MECOM: variants seen among roughly 807,000 people sequenced by gnomAD.
MECOM encodes the protein MDS1 and EVI1 complex locus, also known as histone-lysine N-methyltransferase MECOM.
In MECOM, 13 loss-of-function variants were observed where a neutral mutation model predicts 116.3. The ratio of observed to expected loss-of-function variants is 0.11; its 90% CI spans 0.07 to 0.18. The LOEUF is 0.18. Among genes scored for constraint, MECOM ranks in the 10% least tolerant of loss-of-function variants. The probability of loss-of-function intolerance (pLI) is 1.00; values close to 1 mark genes in which losing one functional copy is unlikely to be tolerated. For synonymous variants in MECOM, 528 were observed against 535.2 expected (o/e 0.99, Z 0.19); for missense variants, 1,299 against 1,509.0 (o/e 0.86, Z 2.31).
chr3:169,384,166 A>T (rs949478208), intron 1 of MECOM, among the ~76,000 whole-genome samples: 8 of 152,226 alleles, frequency 5.3e-5, no homozygotes, highest in African/African-American at 1.9e-4. Flanking sequence ...ATCTGCATAT[A>T]GGTGTTTAAC....
At chr3:169,568,176 G>A (rs953926226) in intron 1 of MECOM, among the ~76,000 whole-genome samples, 2 of 152,168 alleles carry the variant, frequency 1.3e-5, no homozygotes, top group Admixed American at 6.5e-5. Flanking sequence ...ATGAGGGACA[G>A]TGTACTCTGG....
intron 5 of MECOM, among the ~76,000 whole-genome samples, chr3:169,123,138 AAGTG>A: frequency 6.6e-6 from 1 of 151,394 alleles, no homozygotes; most frequent in African/African-American, 2.4e-5. Context: ...GTAGTCAATT[AAGTG>A]AGTATTAAGC....
chr3:169,489,063 C>A (rs755182982), intron 1 of MECOM, among the ~76,000 whole-genome samples: 25 of 151,964 alleles, frequency 1.6e-4, no homozygotes, highest in Non-Finnish European at 2.8e-4. Context: ...TACAGATACA[C>A]AAGAGATTTT....
chr3:169,482,948 G>C (rs1383484142), intron 1 of MECOM, among the ~76,000 whole-genome samples: 1 of 152,278 alleles, frequency 6.6e-6, no homozygotes, highest in East Asian at 1.9e-4. Flanking sequence ...TTGTTTCAAG[G>C]AGTATCAAGA....
At chr3:169,149,931 C>CACTG (rs1740895243) in intron 2 of MECOM, among the ~76,000 whole-genome samples, 5 of 124,272 alleles carry the variant, frequency 4.0e-5, no homozygotes, top group African/African-American at 1.2e-4. Context: ...CTCTTTCTCT[C>CACTG]TCTCTGTGTG....
rs1716944583 is a variant in MECOM at position 169,084,093 on chromosome 3, A to G, written c.*816T>C. 4.3e-6 allele frequency: 1 copy of G among 231,714 alleles called. No homozygotes were observed. Among genetic ancestry groups the G allele is most frequent in the South Asian group, 1.8e-4 (1 of 5,522 alleles). The allele number at this position is 231,714 out of a possible 1,614,324, so 14.4% of individuals were successfully genotyped here. ...TGGAACAGTGCTATTTTAATCAACA[A>G]ACAATAGTTTGCCAACAAATAAATA... On this transcript the variant is annotated 3_prime_UTR_variant, in exon 17 of 17. Coordinates refer to ENST00000651503, the MANE Select transcript of MECOM (RefSeq NM_004991.4).
intron 1 of MECOM, among the ~76,000 whole-genome samples, chr3:169,568,898 T>C (rs186984248): frequency 6.6e-6 from 1 of 152,252 alleles, no homozygotes; most frequent in Non-Finnish European, 1.5e-5. Flanking sequence ...TACCAAATTG[T>C]AAAGACCATT....
At position 169,259,622 on chromosome 3, in the gene MECOM, G is replaced by A. The variant is rs146920656; in HGVS notation, c.376-115790C>T. On this transcript the variant is annotated intron_variant, in intron 2 of 16. Transcript: ENST00000651503. ...CACACACCTGTAGTTCCAGCCACTCGGGAGGCTGAGGCAGGTGGATCACAG... is the reference window on the plus strand; with the variant it reads ...CACACACCTGTAGTTCCAGCCACTCAGGAGGCTGAGGCAGGTGGATCACAG... Among the ~76,000 whole-genome samples, 240 of 152,248 alleles carry A rather than the reference G, an allele frequency of 1.6e-3. 3 individuals carry two copies. Among genetic ancestry groups the A allele is most frequent in the African/African-American group, 5.2e-3 (214 of 41,550 alleles).
rs577838944 is a variant in MECOM at position 169,143,713 on chromosome 3, G to A, written c.495C>T (p.Cys165=). 3.6e-5 allele frequency: 58 copies of A among 1,599,800 alleles called. No individual in the cohort carries two copies. The highest frequency in any genetic ancestry group is 1.8e-4 in the African/African-American group (13 of 74,210). ...TACAACATACCTGATCATTTATCTG[G>A]CATGCAACAAGGTTGTGCTGATCAT... is the stretch of plus-strand genomic sequence containing the variant. ...GCYDQHNLVA[C]QINDQIFYRV... is the part of the protein sequence containing the mutation. The change falls in exon 3 of 17, where the codon TGC becomes TGT. Residue 165 remains cysteine, a synonymous_variant. Transcript: ENST00000651503.
chr3:169,176,155 A>AC (rs1559954484), intron 2 of MECOM, among the ~76,000 whole-genome samples: 2 of 149,548 alleles, frequency 1.3e-5, no homozygotes, highest in African/African-American at 2.4e-5. Context: ...AAAAAAAAAA[A>AC]CCCCTCATAT....
intron 1 of MECOM, among the ~76,000 whole-genome samples, chr3:169,461,517 G>T (rs1488080566): frequency 6.6e-6 from 1 of 152,016 alleles, no homozygotes; most frequent in Admixed American, 6.6e-5. Flanking sequence ...CAGAGATTTG[G>T]TGAAGGTCAT....
chr3:169,267,542 G>A (rs1262236035), intron 2 of MECOM, among the ~76,000 whole-genome samples: 1 of 152,114 alleles, frequency 6.6e-6, no homozygotes, highest in Non-Finnish European at 1.5e-5. Flanking sequence ...GGGGCTGAGG[G>A]GGTGGGCAGT....
chr3:169,321,799 A>C (rs1270281239), intron 2 of MECOM, among the ~76,000 whole-genome samples: 1 of 152,216 alleles, frequency 6.6e-6, no homozygotes, highest in Non-Finnish European at 1.5e-5. Flanking sequence ...CCAAAACATG[A>C]GACATGGCAC....
At chr3:169,622,214 C>T (rs888046894) in intron 1 of MECOM, among the ~76,000 whole-genome samples, 4 of 152,030 alleles carry the variant, frequency 2.6e-5, no homozygotes, top group Non-Finnish European at 5.9e-5. Flanking sequence ...CTCAGCCTCC[C>T]GAGTAGCTGG....
chr3:169,605,900 T>G (rs573948640), intron 1 of MECOM, among the ~76,000 whole-genome samples: 1 of 152,154 alleles, frequency 6.6e-6, no homozygotes, highest in Non-Finnish European at 1.5e-5. Context: ...GTGAAGTTTA[T>G]TTATACCTCT....
chr3:169,662,030 G>A (rs1255613714), intron 1 of MECOM, among the ~76,000 whole-genome samples: 6 of 152,156 alleles, frequency 3.9e-5, no homozygotes, highest in Non-Finnish European at 5.9e-5. Context: ...CCTTCAACTC[G>A]AAGTAGAAGC....
chr3:169,577,744 C>T (rs1464434044), intron 1 of MECOM, among the ~76,000 whole-genome samples: 1 of 152,128 alleles, frequency 6.6e-6, no homozygotes, highest in East Asian at 1.9e-4. Context: ...TGCATATTTT[C>T]CATGTATTTT....
At chr3:169,232,028 C>T (rs1452949133) in intron 2 of MECOM, among the ~76,000 whole-genome samples, 1 of 152,096 alleles carries the variant, frequency 6.6e-6, no homozygotes, top group Non-Finnish European at 1.5e-5. Context: ...AGCCCAACAC[C>T]ATCATGAATG....
chr3:169,523,180 A>G (rs1757559286), intron 1 of MECOM, among the ~76,000 whole-genome samples: 1 of 152,202 alleles, frequency 6.6e-6, no homozygotes, highest in Non-Finnish European at 1.5e-5. Context: ...GCCCTTCCAG[A>G]CAGGCTCAGC....
Sources: gnomAD v4.1 joint callset for allele counts (sites outside exome capture counted in the v4.1 genomes callset) on GRCh38, gnomAD v4.1.1 for gene constraint, MANE v1.5 for transcripts, NCBI Gene and HGNC (gene_info 2026-07-23, HGNC 2026-07-21) for gene names.